The following IFIT1B variants were observed in gnomAD, a reference collection of about 807,000 sequenced individuals.
IFIT1B encodes the protein interferon induced protein with tetratricopeptide repeats 1B.
IFIT1B carries 3 observed loss-of-function variants against 2.5 expected under a neutral mutation model. The observed-to-expected ratio is 1.21, with a 90% CI of 0.55 to 3.14. The LOEUF (loss-of-function observed/expected upper bound fraction) is 3.14, where lower values mean the gene tolerates loss of function less well. Among genes scored for constraint, IFIT1B ranks in the 30% most tolerant of loss-of-function variants. The pLI is 0.03. For synonymous variants in IFIT1B, 196 were observed against 203.0 expected (o/e 0.97, Z 0.29); for missense variants, 545 against 556.5 (o/e 0.98, Z 0.21).
At position 89,384,712 on chromosome 10, in the gene IFIT1B, G is replaced by A. The variant is rs896409377; in HGVS notation, c.1399G>A (p.Ala467Thr). The A allele has an allele frequency of 1.2e-6, 2 of 1,613,216 alleles. No individual in the cohort carries two copies. Among genetic ancestry groups the A allele is most frequent in the African/African-American group, 2.7e-5 (2 of 74,864 alleles). The change falls in exon 2 of 2, where the codon GCT (alanine) becomes ACT (threonine). Residue 467 changes from alanine to threonine, a missense_variant. Coordinates refer to ENST00000371809, the MANE Select transcript of IFIT1B (RefSeq NM_001010987.2). ...GTGCTATGAGAGGGCTCTGAGGCTG[G>A]CTGCTGACCTGAACCCTATATTTTA... ...LLCYERALRL[A>T]ADLNPIF
intron 1 of IFIT1B, among the ~76,000 whole-genome samples, chr10:89,381,025 T>C (rs1274465827): frequency 6.6e-6 from 1 of 152,210 alleles, no homozygotes; most frequent in Non-Finnish European, 1.5e-5. Context: ...CAAAATCTAG[T>C]ATACTTTTTT....
In IFIT1B at chr10:89,383,374, T is replaced by G. The variant is rs181061050; in HGVS notation, c.61T>G (p.Phe21Val). Residue 21 changes from phenylalanine (F) to valine (V), a missense_variant, in exon 2 of 2, where the codon TTT (phenylalanine) becomes GTT (valine). Phe to Val is a conservative substitution (Grantham distance 50, BLOSUM62 -1). Coordinates refer to ENST00000371809, the MANE Select transcript of IFIT1B (RefSeq NM_001010987.2). ...EDSLIQLRCH[F>V]TWKLLIEAPE... The stretch of plus-strand genomic sequence containing the variant: ...CAGCCTGATTCAGCTGAGATGTCAC[T>G]TTACATGGAAGTTGTTAATTGAAGC... 12 of 1,614,218 alleles carry G rather than the reference T, an allele frequency of 7.4e-6. No homozygotes were observed. In the East Asian group the frequency reaches 2.2e-4, roughly 30 times the overall value.
At chr10:89,378,534 C>T (rs1844139146) in intron 1 of IFIT1B, among the ~76,000 whole-genome samples, 1 of 152,166 alleles carries the variant, frequency 6.6e-6, no homozygotes, top group East Asian at 1.9e-4. Flanking sequence ...CACTGACAAC[C>T]TCAAGCAGAG....
Position 89,384,727 on chromosome 10 carries a change from C to T in IFIT1B, c.1414C>T (p.Pro472Ser), listed in dbSNP as rs779475435. The change falls in exon 2 of 2, where the codon CCT becomes TCT. Residue 472 changes from proline (P) to serine (S), a missense_variant. Coordinates refer to ENST00000371809, the MANE Select transcript of IFIT1B (RefSeq NM_001010987.2). ...TCTGAGGCTGGCTGCTGACCTGAACCCTATATTTTAACATAGAGGTCACCA... is the reference window on the plus strand; with the variant it reads ...TCTGAGGCTGGCTGCTGACCTGAACTCTATATTTTAACATAGAGGTCACCA... ...RALRLAADLNPIF is the reference protein window; with the variant it reads ...RALRLAADLNSIF 23 of 1,605,900 alleles carry T rather than the reference C, an allele frequency of 1.4e-5. No individual in the cohort carries two copies. The highest frequency in any genetic ancestry group is 1.9e-5 in the Non-Finnish European group (22 of 1,176,408).
rs761591779 is a variant in IFIT1B at position 89,383,805 on chromosome 10, T to G, written c.492T>G (p.Phe164Leu). 1.7e-5 allele frequency: 27 copies of G among 1,614,200 alleles called. No individual in the cohort carries two copies. Among genetic ancestry groups the G allele is most frequent in the Non-Finnish European group, 2.0e-5 (24 of 1,180,034 alleles). ...ATTATGAACGGGCCAAGACCTGCTT[T>G]GAAAAGGCTCTGGAAGGGAACCCTG... is the stretch of plus-strand genomic sequence containing the variant. ...GKNYERAKTC[F>L]EKALEGNPEN... The change falls in exon 2 of 2, where the codon TTT (phenylalanine) becomes TTG (leucine). Residue 164 changes from phenylalanine (F) to leucine (L), a missense_variant. Phe to Leu is a conservative substitution (Grantham distance 22, BLOSUM62 0). Coordinates refer to ENST00000371809, the MANE Select transcript of IFIT1B (RefSeq NM_001010987.2).
Position 89,384,192 on chromosome 10 carries a change from T to C in IFIT1B, c.879T>C (p.Leu293=), listed in dbSNP as rs775553043. 1 of 1,614,150 alleles carries C rather than the reference T, an allele frequency of 6.2e-7. No homozygotes were observed. The highest frequency in any genetic ancestry group is 8.5e-7 in the Non-Finnish European group (1 of 1,180,010). The stretch of plus-strand genomic sequence containing the variant: ...CCTTCCTGCATCACCAAATGGGGCT[T>C]TGCTACAGGGCACAAATGATCCAAA... ...TSAFLHHQMG[L]CYRAQMIQIK... Residue 293 remains leucine, a synonymous_variant, in exon 2 of 2, where the codon CTT becomes CTC. Coordinates refer to ENST00000371809, the MANE Select transcript of IFIT1B (RefSeq NM_001010987.2).
At chr10:89,379,803 G>A (rs1319442911) in intron 1 of IFIT1B, among the ~76,000 whole-genome samples, 1 of 152,132 alleles carries the variant, frequency 6.6e-6, no homozygotes, top group African/African-American at 2.4e-5. Flanking sequence ...GGGAGGCCGA[G>A]ATGGGCAGAT....
In IFIT1B at chr10:89,378,057, G is replaced by A. The variant is rs1844135166; in HGVS notation, c.-79G>A. 4 of 1,516,392 alleles carry A rather than the reference G, an allele frequency of 2.6e-6. No homozygotes were observed. Among genetic ancestry groups the A allele is most frequent in the East Asian group, 2.3e-5 (1 of 44,390 alleles). 93.9% of individuals were successfully genotyped at this position (1,516,392 alleles called of 1,614,324 possible). A position where few individuals can be genotyped will look rare whatever the true frequency, so the allele number is the denominator to read the frequency against. ...CACCATGCTTATCTGAGAAGCCCTA[G>A]AACTCTGTGGATGAACCTTGAAGGA... On this transcript the variant is annotated 5_prime_UTR_variant, in exon 1 of 2. Transcript: ENST00000371809.
intron 1 of IFIT1B, among the ~76,000 whole-genome samples, chr10:89,378,676 C>A (rs1455980917): frequency 6.6e-6 from 1 of 152,118 alleles, no homozygotes; most frequent in Non-Finnish European, 1.5e-5. Flanking sequence ...TAATAAAGTC[C>A]ATAGAGTCAG....
chr10:89,382,676 C>T (rs1311052890), intron 1 of IFIT1B, among the ~76,000 whole-genome samples: 2 of 152,204 alleles, frequency 1.3e-5, no homozygotes, highest in African/African-American at 4.8e-5. Context: ...CTTCTGTCCC[C>T]ATCAGTAAGG....
chr10:89,379,140 T>G (rs1335906598), intron 1 of IFIT1B, among the ~76,000 whole-genome samples: 3 of 152,252 alleles, frequency 2.0e-5, no homozygotes, highest in Non-Finnish European at 2.9e-5. Flanking sequence ...TTTGTTTGTT[T>G]TTGATACCAA....
At chr10:89,382,465 C>G (rs1844170360) in intron 1 of IFIT1B, among the ~76,000 whole-genome samples, 5 of 152,154 alleles carry the variant, frequency 3.3e-5, no homozygotes, top group Admixed American at 2.6e-4. Flanking sequence ...GGAAAAAAAC[C>G]CTTCTGGTCC....
At chr10:89,383,280 C>T (rs1294642956) in intron 1 of IFIT1B, 39 bp from the exon 2 acceptor site, 2 of 1,546,406 alleles carry the variant, frequency 1.3e-6, no homozygotes, top group Non-Finnish European at 1.8e-6. Context: ...GGACTGAATA[C>T]TTTCTCAAAA....
intron 1 of IFIT1B, among the ~76,000 whole-genome samples, chr10:89,380,274 C>A (rs1046718901): frequency 6.6e-6 from 1 of 152,116 alleles, no homozygotes; most frequent in African/African-American, 2.4e-5. Flanking sequence ...GACAGAGGAG[C>A]AGATTGAGCT....
At chr10:89,380,435 CTTT>C (rs58504474) in intron 1 of IFIT1B, among the ~76,000 whole-genome samples, 4 of 140,856 alleles carry the variant, frequency 2.8e-5, no homozygotes, top group South Asian at 2.3e-4. Context: ...ACAAACTCAT[CTTT>C]TTTTTTTTTT....
At chr10:89,382,271 C>T (rs75530986) in intron 1 of IFIT1B, among the ~76,000 whole-genome samples, 1,968 of 152,128 alleles carry the variant, frequency 0.013, 44 homozygotes, top group East Asian at 0.092. Flanking sequence ...TTGGGCCTAA[C>T]GGATAGAAAA....
rs188950547 is a variant in IFIT1B at position 89,381,951 on chromosome 10, G to C, written c.6-1368G>C. Among the ~76,000 whole-genome samples, 1,442 of 152,012 alleles carry C rather than the reference G, an allele frequency of 9.5e-3. 16 individuals carry two copies. Among genetic ancestry groups the C allele is most frequent in the Non-Finnish European group, 0.016 (1,096 of 67,956 alleles). On this transcript the variant is annotated intron_variant, in intron 1 of 1. Transcript: ENST00000371809. ...CGCTGGCTAATTTTTTGTATTTTTA[G>C]TAGAGATGGGGTTTCACCATGTTGC...
rs143429774 is a variant in IFIT1B at position 89,380,519 on chromosome 10, T to C, written c.5+2379T>C. On this transcript the variant is annotated intron_variant, in intron 1 of 1. Coordinates refer to ENST00000371809, the MANE Select transcript of IFIT1B (RefSeq NM_001010987.2). ...GGCATGATCACAGCTCACTGCAGCCTCCACCTGCCCGGGCTCAGGTGATCC... is the reference window on the plus strand; with the variant it reads ...GGCATGATCACAGCTCACTGCAGCCCCCACCTGCCCGGGCTCAGGTGATCC... 5.3e-5 allele frequency among the ~76,000 whole-genome samples: 8 copies of C among 150,264 alleles called. No homozygotes were observed. In the East Asian group the frequency reaches 1.6e-3, roughly 30 times the overall value.
At chr10:89,380,552 T>C (rs1470008243) in intron 1 of IFIT1B, among the ~76,000 whole-genome samples, 1 of 151,906 alleles carries the variant, frequency 6.6e-6, no homozygotes, top group Non-Finnish European at 1.5e-5. Context: ...TCCTCCCACG[T>C]CAGCCCAAGT....
Sources: gnomAD v4.1 joint callset for allele counts (sites outside exome capture counted in the v4.1 genomes callset) on GRCh38, gnomAD v4.1.1 for gene constraint, MANE v1.5 for transcripts, NCBI Gene and HGNC (gene_info 2026-07-23, HGNC 2026-07-21) for gene names.